The following SGCZ variants were observed in gnomAD, a reference collection of about 807,000 sequenced individuals.
SGCZ encodes sarcoglycan zeta.
A neutral mutation model predicts 41.3 loss-of-function variants in SGCZ; 40 were observed. That is an observed-to-expected ratio of 0.97 (90% CI 0.75 to 1.26). The LOEUF is 1.26. SGCZ is among the 50% of genes most tolerant of loss of function. SGCZ has a pLI of 0.00. For missense variants in SGCZ, 552 were observed against 369.8 expected, an observed-to-expected ratio of 1.49 and a Z score of -4.04; for synonymous variants, 206 against 137.5, an observed-to-expected ratio of 1.50 and a Z score of -3.49.
rs547318780 is a variant in SGCZ, at chr8:14,717,405, T to C, written c.40-162479A>G. ...TACAGTAATATGCTTAAAATCAACA[T>C]TAAAATATAGACAATTTCTACTTTT... On this transcript the variant is annotated intron_variant, in intron 1 of 7. Transcript: ENST00000382080. Among the ~76,000 whole-genome samples, 47 of 152,222 alleles carry C rather than the reference T, an allele frequency of 3.1e-4. No homozygotes were observed. The South Asian group carries it at 5.8e-3, about 19-fold the overall frequency.
At chr8:14,668,432 G>A (rs1807986935) in intron 1 of SGCZ, among the ~76,000 whole-genome samples, 1 of 152,100 alleles carries the variant, frequency 6.6e-6, no homozygotes, top group East Asian at 1.9e-4. Flanking sequence ...TAACCTCTGA[G>A]GTTAGCAAAA....
At chr8:14,392,105 T>G (rs1804798942) in intron 2 of SGCZ, among the ~76,000 whole-genome samples, 1 of 152,176 alleles carries the variant, frequency 6.6e-6, no homozygotes. Context: ...GGTTTCTGTC[T>G]TTATTTAATC....
intron 1 of SGCZ, among the ~76,000 whole-genome samples, chr8:14,846,813 T>C (rs1443156541): frequency 6.6e-6 from 1 of 151,716 alleles, no homozygotes; most frequent in Non-Finnish European, 1.5e-5. Context: ...CTCACTCCTG[T>C]AATCCTAGCA....
intron 1 of SGCZ, among the ~76,000 whole-genome samples, chr8:14,840,902 T>C (rs188398716): frequency 1.3e-5 from 2 of 152,080 alleles, no homozygotes; most frequent in Non-Finnish European, 2.9e-5. Flanking sequence ...CCCATAATAA[T>C]ATTTATTTTA....
intron 1 of SGCZ, among the ~76,000 whole-genome samples, chr8:15,226,835 A>G (rs1801790013): frequency 6.6e-6 from 1 of 152,216 alleles, no homozygotes; most frequent in African/African-American, 2.4e-5. Flanking sequence ...AGAAGGAAAA[A>G]AGCAGACTAT....
At chr8:15,025,700 G>C (rs1398056086) in intron 1 of SGCZ, among the ~76,000 whole-genome samples, 3 of 152,210 alleles carry the variant, frequency 2.0e-5, no homozygotes, top group Non-Finnish European at 2.9e-5. Context: ...ATATTATCAT[G>C]GGTATGGAGA....
At chr8:14,091,580 G>A (rs1436980384) in intron 7 of SGCZ, among the ~76,000 whole-genome samples, 1 of 152,130 alleles carries the variant, frequency 6.6e-6, no homozygotes, top group Non-Finnish European at 1.5e-5. Context: ...GACCAGTGAT[G>A]ATGAGCATTT....
intron 3 of SGCZ, among the ~76,000 whole-genome samples, chr8:14,264,728 G>C (rs1015412925): frequency 5.9e-5 from 9 of 152,166 alleles, no homozygotes; most frequent in African/African-American, 2.2e-4. Context: ...TTGGGAGTCC[G>C]AGGCGGGCGG....
At position 14,108,214 on chromosome 8, in the gene SGCZ, C is replaced by T; in HGVS notation, c.569G>A (p.Gly190Glu). Residue 190 changes from glycine (G) to glutamate (E), a missense_variant, in exon 6 of 8, where the codon GGG becomes GAG. Coordinates refer to ENST00000382080, the MANE Select transcript of SGCZ (RefSeq NM_139167.4). Reference protein sequence around the residue: ...KVTGTEGAVFGHSVETPHIRA... With the variant: ...KVTGTEGAVFEHSVETPHIRA... ...GATGTGCGGCGTCTCCACAGAGTGC[C>T]CAAATACGGCTCCTTCAGTGCCTGG... 6.2e-7 allele frequency: 1 copy of T among 1,614,006 alleles called. No individual in the cohort carries two copies. Among genetic ancestry groups the T allele is most frequent in the Non-Finnish European group, 8.5e-7 (1 of 1,180,000 alleles).
chr8:14,576,795 G>T (rs1371760216), intron 1 of SGCZ, among the ~76,000 whole-genome samples: 11 of 152,138 alleles, frequency 7.2e-5, no homozygotes, highest in Non-Finnish European at 5.9e-5. Context: ...CACATCAAGG[G>T]TATAATAGCT....
chr8:14,594,307 T>G (rs1371922986), intron 1 of SGCZ, among the ~76,000 whole-genome samples: 1 of 151,990 alleles, frequency 6.6e-6, no homozygotes, highest in Non-Finnish European at 1.5e-5. Context: ...TTATCAAGTT[T>G]GGGGATGATG....
At chr8:14,090,984 C>T (rs1433902325) in intron 7 of SGCZ, among the ~76,000 whole-genome samples, 1 of 151,922 alleles carries the variant, frequency 6.6e-6, no homozygotes, top group Non-Finnish European at 1.5e-5. Flanking sequence ...CCATAGATTT[C>T]CCCGTCACAT....
chr8:14,595,712 G>A (rs547759546), intron 1 of SGCZ, among the ~76,000 whole-genome samples: 15 of 152,120 alleles, frequency 9.9e-5, no homozygotes, highest in African/African-American at 3.4e-4. Flanking sequence ...GTCCTTGGTA[G>A]AATGCCTTCA....
At chr8:14,850,636 C>G (rs1164471195) in intron 1 of SGCZ, among the ~76,000 whole-genome samples, 1 of 152,138 alleles carries the variant, frequency 6.6e-6, no homozygotes. Context: ...TCATGGCTAA[C>G]ATGTATGACA....
At chr8:14,653,335 A>G (rs2117461562) in intron 1 of SGCZ, among the ~76,000 whole-genome samples, 1 of 152,252 alleles carries the variant, frequency 6.6e-6, no homozygotes, top group East Asian at 1.9e-4. Context: ...TGTTCCAGAT[A>G]TCTAGTTACT....
chr8:14,348,499 G>A (rs568097768), intron 2 of SGCZ, among the ~76,000 whole-genome samples: 10 of 152,070 alleles, frequency 6.6e-5, no homozygotes, highest in East Asian at 5.8e-4. Flanking sequence ...ATATTCGTTC[G>A]TCTCTAATCC....
intron 2 of SGCZ, among the ~76,000 whole-genome samples, chr8:14,445,503 G>C (rs1050308616): frequency 6.6e-6 from 1 of 152,084 alleles, no homozygotes; most frequent in Admixed American, 6.6e-5. Flanking sequence ...TTAAGGAGAA[G>C]ATGACCTGAC....
intron 2 of SGCZ, among the ~76,000 whole-genome samples, chr8:14,460,305 C>G (rs756975102): frequency 2.6e-5 from 4 of 152,152 alleles, no homozygotes; most frequent in Non-Finnish European, 5.9e-5. Flanking sequence ...AAGAGTTATT[C>G]ATCCATGATT....
chr8:14,419,095 A>C (rs1002014385), intron 2 of SGCZ, among the ~76,000 whole-genome samples: 1 of 151,966 alleles, frequency 6.6e-6, no homozygotes, highest in Non-Finnish European at 1.5e-5. Flanking sequence ...GACCTACAGC[A>C]AATACTTTAA....
Sources: gnomAD v4.1 joint callset for allele counts (sites outside exome capture counted in the v4.1 genomes callset) on GRCh38, gnomAD v4.1.1 for gene constraint, MANE v1.5 for transcripts, NCBI Gene and HGNC (gene_info 2026-07-23, HGNC 2026-07-21) for gene names.